NEK11: variants seen among roughly 807,000 people sequenced by gnomAD.
NEK11 encodes the protein NIMA related kinase 11, also known as serine/threonine-protein kinase Nek11.
In NEK11, 72 loss-of-function variants were observed where a neutral mutation model predicts 80.7. That is an observed-to-expected ratio of 0.89 (90% CI 0.74 to 1.08). NEK11 has a LOEUF of 1.08. Ranked by LOEUF, NEK11 falls within the 50% of genes least tolerant of loss-of-function variation. The probability of loss-of-function intolerance (pLI) is 0.00; values close to 1 mark genes in which losing one functional copy is unlikely to be tolerated. For synonymous variants in NEK11, 251 were observed against 260.7 expected (o/e 0.96, Z 0.36); for missense variants, 764 against 763.6 (o/e 1.00, Z -0.01).
chr3:131,032,441 A>G (rs2065011230), intron 3 of NEK11, among the ~76,000 whole-genome samples: 1 of 152,106 alleles, frequency 6.6e-6, no homozygotes, highest in African/African-American at 2.4e-5. Flanking sequence ...CCACATTCCT[A>G]CCTCTCCTTA....
intron 14 of NEK11, among the ~76,000 whole-genome samples, chr3:131,184,970 A>G (rs760528782): frequency 1.2e-4 from 18 of 152,130 alleles, no homozygotes; most frequent in Non-Finnish European, 2.2e-4. Flanking sequence ...CACCAGAGTA[A>G]TCCTCCCAAG....
chr3:131,120,575 T>A (rs950191480), intron 5 of NEK11, among the ~76,000 whole-genome samples: 26 of 152,344 alleles, frequency 1.7e-4, no homozygotes, highest in Non-Finnish European at 3.4e-4. Context: ...AAGAGTGTTT[T>A]CCAAGTTGGT....
Position 131,192,566 on chromosome 3 carries a change from A to C in NEK11, c.1399+21679A>C, listed in dbSNP as rs533226126. ...TCCATTGATGGATGAATGGATAAAC[A>C]AAGTATAACATACATACAATGGAAT... On this transcript the variant is annotated intron_variant, in intron 14 of 17. Coordinates refer to ENST00000383366, the MANE Select transcript of NEK11 (RefSeq NM_024800.5). 2.0e-5 allele frequency among the ~76,000 whole-genome samples: 3 copies of C among 152,322 alleles called. No homozygotes were observed. The East Asian group carries it at 5.8e-4, about 29-fold the overall frequency.
chr3:131,338,265 G>A (rs62280814), intron 17 of NEK11, among the ~76,000 whole-genome samples: 1 of 91,608 alleles, frequency 1.1e-5, no homozygotes, highest in Non-Finnish European at 1.9e-5. Context: ...GCGCCCAGCT[G>A]GTTTTTTTTT....
chr3:131,289,294 C>T (rs1266291145), intron 17 of NEK11, among the ~76,000 whole-genome samples: 1 of 152,202 alleles, frequency 6.6e-6, no homozygotes, highest in East Asian at 1.9e-4. Context: ...CCCACAATAA[C>T]AGCCTTGTTT....
At chr3:131,262,108 C>T (rs1355588218) in intron 16 of NEK11, among the ~76,000 whole-genome samples, 2 of 151,930 alleles carry the variant, frequency 1.3e-5, no homozygotes, top group Admixed American at 6.6e-5. Flanking sequence ...TTACTACTAA[C>T]CTTAAAGAAA....
intron 13 of NEK11, among the ~76,000 whole-genome samples, chr3:131,170,075 A>T (rs2092577953): frequency 6.6e-6 from 1 of 152,146 alleles, no homozygotes; most frequent in Non-Finnish European, 1.5e-5. Flanking sequence ...CTTTCTTTTA[A>T]ATTTTCTTTT....
chr3:131,268,218 C>T (rs1399716294), intron 16 of NEK11, among the ~76,000 whole-genome samples: 1 of 152,140 alleles, frequency 6.6e-6, no homozygotes, highest in African/African-American at 2.4e-5. Context: ...TTAGAACATG[C>T]TTTTTTAGCT....
In NEK11 at chr3:131,026,998, C is replaced by T. The variant is rs1221600769; in HGVS notation, c.-178C>T. On this transcript the variant is annotated 5_prime_UTR_variant, in exon 1 of 18. Transcript: ENST00000383366. ...GCCCCGGGCGCCGCTCCGACCACGA[C>T]AGGGAAAGGTAAAGCGAACTGTCCT... The T allele has an allele frequency of 1.3e-5, 2 of 152,276 alleles. No individual in the cohort carries two copies. Among genetic ancestry groups the T allele is most frequent in the Non-Finnish European group, 2.9e-5 (2 of 68,144 alleles). 9.4% of individuals were successfully genotyped at this position (152,276 alleles called of 1,614,324 possible). A position where few individuals can be genotyped will look rare whatever the true frequency, so the allele number is the denominator to read the frequency against.
intron 16 of NEK11, among the ~76,000 whole-genome samples, chr3:131,257,883 T>C (rs745750047): frequency 6.6e-6 from 1 of 152,130 alleles, no homozygotes; most frequent in Non-Finnish European, 1.5e-5. Flanking sequence ...TGCATGTTTA[T>C]AGCAGCGATT....
At chr3:131,174,860 C>G (rs770949534) in intron 14 of NEK11, 32 of 1,562,384 alleles carry the variant, frequency 2.0e-5, no homozygotes, top group Non-Finnish European at 2.5e-5. Context: ...TGACTCCCTA[C>G]CCCACCATTC....
At chr3:131,225,700 A>G (rs1211810961) in intron 14 of NEK11, among the ~76,000 whole-genome samples, 1 of 152,160 alleles carries the variant, frequency 6.6e-6, no homozygotes, top group African/African-American at 2.4e-5. Context: ...GTGTTTCTGA[A>G]TGTTGGCCTC....
At chr3:131,264,086 T>C (rs1162612547) in intron 16 of NEK11, among the ~76,000 whole-genome samples, 5 of 152,262 alleles carry the variant, frequency 3.3e-5, no homozygotes, top group Non-Finnish European at 7.3e-5. Context: ...TAAATTTGTT[T>C]AAGTTCTTTG....
intron 17 of NEK11, among the ~76,000 whole-genome samples, chr3:131,333,287 G>A (rs921376104): frequency 3.2e-4 from 49 of 152,130 alleles, no homozygotes; most frequent in African/African-American, 1.1e-3. Flanking sequence ...AACTCTACAA[G>A]CCAGAAGAGA....
intron 14 of NEK11, among the ~76,000 whole-genome samples, chr3:131,177,380 G>A (rs912556345): frequency 1.2e-4 from 19 of 152,158 alleles, no homozygotes; most frequent in African/African-American, 4.1e-4. Flanking sequence ...GAGACAACAT[G>A]TATTTGATAT....
rs528393425 is a variant in NEK11, at chr3:131,299,922, T to C, written c.1718+26348T>C. 2.0e-5 allele frequency among the ~76,000 whole-genome samples: 3 copies of C among 152,368 alleles called. No individual in the cohort carries two copies. In the East Asian group the frequency reaches 5.8e-4, roughly 29 times the overall value. On this transcript the variant is annotated intron_variant, in intron 17 of 17. Coordinates refer to ENST00000383366, the MANE Select transcript of NEK11 (RefSeq NM_024800.5). Reference sequence around the variant, plus strand: ...ATGGAATTGCTAGGATGATTGGTAGTTCTATTTTTAAGTTATTTGAGAAAT... The same window carrying C: ...ATGGAATTGCTAGGATGATTGGTAGCTCTATTTTTAAGTTATTTGAGAAAT...
At chr3:131,242,790 G>A (rs946608923) in intron 15 of NEK11, among the ~76,000 whole-genome samples, 2 of 152,096 alleles carry the variant, frequency 1.3e-5, no homozygotes, top group Non-Finnish European at 2.9e-5. Context: ...TCATTAGGAT[G>A]CTGTTTTGGA....
intron 11 of NEK11, among the ~76,000 whole-genome samples, chr3:131,165,125 T>C (rs920626492): frequency 1.4e-4 from 21 of 152,340 alleles, no homozygotes; most frequent in African/African-American, 4.8e-4. Context: ...GTGCTAGGCA[T>C]TGGGAACACA....
chr3:131,289,205 T>G (rs976029065), intron 17 of NEK11, among the ~76,000 whole-genome samples: 2 of 152,224 alleles, frequency 1.3e-5, no homozygotes, highest in South Asian at 2.1e-4. Context: ...TGTCCTTTTT[T>G]CTGTGTGGAC....
Sources: gnomAD v4.1 joint callset for allele counts (sites outside exome capture counted in the v4.1 genomes callset) on GRCh38, gnomAD v4.1.1 for gene constraint, MANE v1.5 for transcripts, NCBI Gene and HGNC (gene_info 2026-07-23, HGNC 2026-07-21) for gene names.